Variants in DPP10 observed in about 807,000 individuals in gnomAD.
DPP10 encodes the protein inactive dipeptidyl peptidase 10.
Under a neutral mutation model 120.9 loss-of-function variants are expected in DPP10, and 33 were observed. The ratio of observed to expected loss-of-function variants is 0.27; its 90% CI spans 0.21 to 0.37. DPP10 has a LOEUF of 0.37. DPP10 is among the 10% of genes least tolerant of loss of function. The pLI is 1.00. For synonymous variants in DPP10, 337 were observed against 326.1 expected, an observed-to-expected ratio of 1.03 and a Z score of -0.36; for missense variants, 816 against 942.8, an observed-to-expected ratio of 0.87 and a Z score of 1.76.
At chr2:115,583,175 A>G (rs543115753) in intron 5 of DPP10, among the ~76,000 whole-genome samples, 86 of 152,338 alleles carry the variant, frequency 5.6e-4, no homozygotes, top group Non-Finnish European at 1.1e-3. Flanking sequence ...CATAGTTGTC[A>G]GGGCTACTAG....
chr2:115,368,672 G>A (rs555513287), intron 3 of DPP10, among the ~76,000 whole-genome samples: 5 of 151,784 alleles, frequency 3.3e-5, no homozygotes, highest in African/African-American at 1.2e-4. Context: ...GTTTTTTCAC[G>A]ATCAAGTGAC....
intron 1 of DPP10, among the ~76,000 whole-genome samples, chr2:115,229,943 C>T (rs2057655214): frequency 6.7e-6 from 1 of 150,296 alleles, no homozygotes; most frequent in African/African-American, 2.4e-5. Context: ...ATTGTATTTC[C>T]TATTTCTGTG....
chr2:114,623,700 A>C (rs1694274967), intron 1 of DPP10, among the ~76,000 whole-genome samples: 1 of 152,156 alleles, frequency 6.6e-6, no homozygotes, highest in East Asian at 1.9e-4. Context: ...CTCCTAAGAA[A>C]AGTCAAACAA....
chr2:115,802,797 A>T (rs1161944266), intron 19 of DPP10, among the ~76,000 whole-genome samples: 2 of 146,764 alleles, frequency 1.4e-5, no homozygotes, highest in Non-Finnish European at 2.9e-5. Context: ...TCTGAGAGAT[A>T]GTTTGTTATA....
intron 3 of DPP10, among the ~76,000 whole-genome samples, chr2:115,372,954 A>G (rs758161846): frequency 2.0e-5 from 3 of 152,198 alleles, no homozygotes; most frequent in Non-Finnish European, 4.4e-5. Context: ...TATGGAAAAC[A>G]TAGTCAGTTG....
intron 1 of DPP10, among the ~76,000 whole-genome samples, chr2:115,116,164 CACTT>C (rs1218378471): frequency 6.6e-6 from 1 of 152,012 alleles, no homozygotes; most frequent in Admixed American, 6.6e-5. Context: ...TTCCCAAAGA[CACTT>C]ACACAGTCTA....
intron 5 of DPP10, among the ~76,000 whole-genome samples, chr2:115,656,744 A>G (rs1381424862): frequency 1.3e-5 from 2 of 151,700 alleles, no homozygotes; most frequent in South Asian, 2.1e-4. Context: ...TTTGGCGTGT[A>G]TTCCTGAAGA....
At chr2:115,774,963 A>T (rs1681914634) in intron 13 of DPP10, among the ~76,000 whole-genome samples, 1 of 152,190 alleles carries the variant, frequency 6.6e-6, no homozygotes, top group Non-Finnish European at 1.5e-5. Context: ...TCTGAAGACA[A>T]TGAAATTGAA....
intron 1 of DPP10, among the ~76,000 whole-genome samples, chr2:114,768,077 G>A (rs1680896978): frequency 1.4e-5 from 2 of 147,314 alleles, no homozygotes; most frequent in Non-Finnish European, 3.0e-5. Flanking sequence ...GCAGTGAGCC[G>A]AGATTGTGCC....
chr2:114,665,295 A>C (rs1009861582), intron 1 of DPP10, among the ~76,000 whole-genome samples: 1 of 152,178 alleles, frequency 6.6e-6, no homozygotes, highest in Non-Finnish European at 1.5e-5. Context: ...CTACCTGCCT[A>C]ACAGCCTGGC....
intron 5 of DPP10, among the ~76,000 whole-genome samples, chr2:115,624,191 C>A (rs1337266093): frequency 6.6e-6 from 1 of 152,098 alleles, no homozygotes; most frequent in African/African-American, 2.4e-5. Context: ...CCTTGGGCTG[C>A]AATACTTTTA....
intron 1 of DPP10, among the ~76,000 whole-genome samples, chr2:114,553,229 T>A (rs1213293687): frequency 6.6e-6 from 1 of 152,250 alleles, no homozygotes; most frequent in Non-Finnish European, 1.5e-5. Context: ...CGTCTCTTCC[T>A]CTTGCCAGGC....
At chr2:114,860,342 C>A (rs749201158) in intron 1 of DPP10, among the ~76,000 whole-genome samples, 8 of 152,170 alleles carry the variant, frequency 5.3e-5, no homozygotes, top group Non-Finnish European at 1.2e-4. Context: ...ATTTCTTTTT[C>A]ATCTTCACGA....
chr2:115,556,772 A>C (rs2080243087), intron 5 of DPP10, among the ~76,000 whole-genome samples: 1 of 152,150 alleles, frequency 6.6e-6, no homozygotes, highest in African/African-American at 2.4e-5. Context: ...CCTCCAAGGT[A>C]ACGTCAGCAT....
At chr2:115,213,723 C>T (rs2056654602) in intron 1 of DPP10, among the ~76,000 whole-genome samples, 1 of 152,034 alleles carries the variant, frequency 6.6e-6, no homozygotes, top group Non-Finnish European at 1.5e-5. Flanking sequence ...TGCTTAATCC[C>T]AAATGATACT....
chr2:115,178,504 G>T (rs554172069), intron 1 of DPP10, among the ~76,000 whole-genome samples: 1 of 152,302 alleles, frequency 6.6e-6, no homozygotes, highest in East Asian at 1.9e-4. Flanking sequence ...ATCTGTGGAG[G>T]AGAGTGGCTA....
chr2:115,461,422 C>G (rs975938564), intron 3 of DPP10, among the ~76,000 whole-genome samples: 1 of 152,088 alleles, frequency 6.6e-6, no homozygotes, highest in Non-Finnish European at 1.5e-5. Context: ...TTCAGTTACA[C>G]AGGATGAATA....
At chr2:114,557,393 G>A (rs963830497) in intron 1 of DPP10, among the ~76,000 whole-genome samples, 1 of 152,140 alleles carries the variant, frequency 6.6e-6, no homozygotes, top group Non-Finnish European at 1.5e-5. Flanking sequence ...TTAATAAAAT[G>A]TAATAGTTGT....
chr2:115,363,909 C>G (rs1227902296), intron 3 of DPP10, among the ~76,000 whole-genome samples: 1 of 152,126 alleles, frequency 6.6e-6, no homozygotes, highest in Non-Finnish European at 1.5e-5. Flanking sequence ...GAATTATTTT[C>G]ATTGCCTTCA....
Sources: allele counts gnomAD v4.1 joint callset (sites outside exome capture counted in the v4.1 genomes callset), GRCh38; gene constraint gnomAD v4.1.1; transcripts MANE v1.5; gene names NCBI Gene and HGNC (gene_info 2026-07-23, HGNC 2026-07-21).